SLC35F1: variants seen among roughly 807,000 people sequenced by gnomAD.
The protein encoded by SLC35F1 is chromosome 6 open reading frame 169.
SLC35F1 carries 14 observed loss-of-function variants against 48.7 expected under a neutral mutation model. The observed-to-expected ratio is 0.29, with a 90% CI of 0.19 to 0.45. The LOEUF is 0.45. SLC35F1 is among the 20% of genes least tolerant of loss of function. SLC35F1 has a pLI of 1.00. For missense variants in SLC35F1, 404 were observed against 500.0 expected (o/e 0.81, Z 1.83); for synonymous variants, 190 against 202.2 (o/e 0.94, Z 0.51).
chr6:118,284,704 T>C (rs2114641054), intron 6 of SLC35F1, among the ~76,000 whole-genome samples: 1 of 152,320 alleles, frequency 6.6e-6, no homozygotes, highest in South Asian at 2.1e-4. Context: ...GTATTCTAAG[T>C]CCAGGTCTCT....
At chr6:118,160,575 A>G (rs772123179) in intron 2 of SLC35F1, among the ~76,000 whole-genome samples, 1 of 152,226 alleles carries the variant, frequency 6.6e-6, no homozygotes, top group Non-Finnish European at 1.5e-5. Context: ...TTCATGAGAA[A>G]TACTCACATT....
intron 1 of SLC35F1, among the ~76,000 whole-genome samples, chr6:117,924,094 T>G (rs1347935347): frequency 6.8e-6 from 1 of 146,258 alleles, no homozygotes; most frequent in Non-Finnish European, 1.5e-5. Context: ...TATACACACA[T>G]AGGTACACAT....
chr6:118,009,833 A>G (rs1777222148), intron 1 of SLC35F1, among the ~76,000 whole-genome samples: 1 of 152,098 alleles, frequency 6.6e-6, no homozygotes, highest in Non-Finnish European at 1.5e-5. Context: ...CTGTTTTCAG[A>G]TATTTTCTCT....
chr6:118,003,747 AT>A (rs200097708), intron 1 of SLC35F1, among the ~76,000 whole-genome samples: 26 of 151,898 alleles, frequency 1.7e-4, no homozygotes, highest in East Asian at 7.7e-4. Flanking sequence ...ATGATTTTAC[AT>A]TTTTTTTTAA....
At chr6:118,172,833 T>C (rs1774426704) in intron 2 of SLC35F1, among the ~76,000 whole-genome samples, 2 of 152,176 alleles carry the variant, frequency 1.3e-5, no homozygotes, top group South Asian at 4.1e-4. Context: ...TATTCATTTA[T>C]TTAAGCCACA....
intron 1 of SLC35F1, among the ~76,000 whole-genome samples, chr6:118,099,905 AAGAAG>A (rs1332430458): frequency 6.6e-6 from 1 of 152,226 alleles, no homozygotes; most frequent in Non-Finnish European, 1.5e-5. Flanking sequence ...TTTGATATTA[AAGAAG>A]AGATAAAATA....
At chr6:118,270,785 G>T (rs560495092) in intron 4 of SLC35F1, among the ~76,000 whole-genome samples, 1 of 152,314 alleles carries the variant, frequency 6.6e-6, no homozygotes, top group South Asian at 2.1e-4. Flanking sequence ...AGATGTGTTG[G>T]AGTGTGTAAA....
At position 118,275,713 on chromosome 6, in the gene SLC35F1, C is replaced by G. The variant is rs372484796; in HGVS notation, c.794+98C>G. The G allele has an allele frequency of 4.4e-4, 490 of 1,109,126 alleles. 3 individuals are homozygous for G. The South Asian group carries it at 7.2e-3, about 16-fold the overall frequency. 68.7% of individuals were successfully genotyped at this position (1,109,126 alleles called of 1,614,324 possible). ...GGATGTAAAAATCAAGGCTGGAATC[C>G]AGACACCAGCTTCCTGTACAAAGGA... On this transcript the variant is annotated intron_variant, in intron 5 of 7. Coordinates refer to ENST00000360388, the MANE Select transcript of SLC35F1 (RefSeq NM_001029858.4).
chr6:118,158,998 A>G (rs886529164), intron 2 of SLC35F1, among the ~76,000 whole-genome samples: 2 of 151,902 alleles, frequency 1.3e-5, no homozygotes, highest in African/African-American at 4.8e-5. Context: ...AGGCGGGCAG[A>G]CCACGAGGTC....
chr6:118,040,798 ATATG>A (rs1772205655), intron 1 of SLC35F1, among the ~76,000 whole-genome samples: 2 of 42,876 alleles, frequency 4.7e-5, no homozygotes, highest in Non-Finnish European at 1.6e-4. Flanking sequence ...TCCCATAAGT[ATATG>A]TCCTGAAGTC....
chr6:118,112,745 G>A (rs1195323603), intron 1 of SLC35F1, among the ~76,000 whole-genome samples: 1 of 152,062 alleles, frequency 6.6e-6, no homozygotes, highest in Non-Finnish European at 1.5e-5. Flanking sequence ...GAGAGGAGAG[G>A]AAATAGAATA....
At chr6:118,239,190 G>C (rs73525887) in intron 3 of SLC35F1, among the ~76,000 whole-genome samples, 3 of 150,110 alleles carry the variant, frequency 2.0e-5, no homozygotes, top group Non-Finnish European at 3.0e-5. Flanking sequence ...AGCAAGGATA[G>C]TCTCTTGTTC....
At chr6:117,928,630 A>G (rs996035750) in intron 1 of SLC35F1, among the ~76,000 whole-genome samples, 1 of 152,210 alleles carries the variant, frequency 6.6e-6, no homozygotes, top group African/African-American at 2.4e-5. Context: ...TTGATAACAC[A>G]TATAAGCCAT....
At chr6:118,025,937 G>A (rs1396814615) in intron 1 of SLC35F1, among the ~76,000 whole-genome samples, 1 of 152,114 alleles carries the variant, frequency 6.6e-6, no homozygotes, top group Non-Finnish European at 1.5e-5. Flanking sequence ...GGTAACTGTG[G>A]TTGCACCAAA....
At chr6:118,304,510 G>A (rs1440378100) in intron 7 of SLC35F1, among the ~76,000 whole-genome samples, 1 of 152,160 alleles carries the variant, frequency 6.6e-6, no homozygotes, top group Non-Finnish European at 1.5e-5. Flanking sequence ...TATTCCAGAT[G>A]GGTTGATTGT....
rs76994723 is a variant in SLC35F1, at chr6:118,063,452, A to G, written c.174-90993A>G. Among the ~76,000 whole-genome samples, 1,403 of 152,284 alleles carry G rather than the reference A, an allele frequency of 9.2e-3. 25 individuals carry two copies. Among genetic ancestry groups the G allele is most frequent in the African/African-American group, 0.032 (1,350 of 41,554 alleles). On this transcript the variant is annotated intron_variant, in intron 1 of 7. Coordinates refer to ENST00000360388, the MANE Select transcript of SLC35F1 (RefSeq NM_001029858.4). The stretch of plus-strand genomic sequence containing the variant: ...AATTACACAATATTTTCAGTGCAAT[A>G]TTAGGCAATGAAAAATGTATGCATT...
chr6:118,256,127 T>C (rs988132058), intron 3 of SLC35F1, among the ~76,000 whole-genome samples: 1 of 152,108 alleles, frequency 6.6e-6, no homozygotes, highest in African/African-American at 2.4e-5. Context: ...AAAATGGTTA[T>C]TGATTGTATG....
chr6:118,082,843 GC>G (rs1772931639), intron 1 of SLC35F1, among the ~76,000 whole-genome samples: 1 of 152,160 alleles, frequency 6.6e-6, no homozygotes, highest in East Asian at 1.9e-4. Flanking sequence ...CTCAGGGAAA[GC>G]TTTGATTGGC....
chr6:118,020,609 A>C (rs1777381305), intron 1 of SLC35F1, among the ~76,000 whole-genome samples: 1 of 152,212 alleles, frequency 6.6e-6, no homozygotes, highest in Non-Finnish European at 1.5e-5. Context: ...GACTTGGAAG[A>C]ATTATTGATT....
Sources: allele counts gnomAD v4.1 joint callset (sites outside exome capture counted in the v4.1 genomes callset), GRCh38; gene constraint gnomAD v4.1.1; transcripts MANE v1.5; gene names NCBI Gene and HGNC (gene_info 2026-07-23, HGNC 2026-07-21).